The following SRPK2 variants were observed in gnomAD, a reference collection of about 807,000 sequenced individuals.
The protein encoded by SRPK2 is SRSF protein kinase 2, also known as SFRS protein kinase 2.
Under a neutral mutation model 90.8 loss-of-function variants are expected in SRPK2, and 21 were observed. The ratio of observed to expected loss-of-function variants is 0.23; its 90% CI spans 0.16 to 0.33. The LOEUF is 0.33. Among genes scored for constraint, SRPK2 ranks in the 10% least tolerant of loss-of-function variants. The pLI is 1.00. For synonymous variants in SRPK2, 288 were observed against 311.1 expected, an observed-to-expected ratio of 0.93 and a Z score of 0.78; for missense variants, 620 against 869.0, an observed-to-expected ratio of 0.71 and a Z score of 3.60.
chr7:105,393,421 C>T (rs557662681), upstream of SRPK2, among the ~76,000 whole-genome samples: 3 of 151,596 alleles, frequency 2.0e-5, no homozygotes, highest in Non-Finnish European at 2.9e-5. Context: ...CGTGCACCAC[C>T]GCATAAGGAG....
In SRPK2 at chr7:105,377,138, C is replaced by T. The variant is rs1412890436; in HGVS notation, c.71+11510G>A. Among the ~76,000 whole-genome samples the T allele has an allele frequency of 2.0e-5, 3 of 152,234 alleles. 1 individual carries two copies. The highest frequency in any genetic ancestry group is 1.9e-4 in the East Asian group (1 of 5,172). On this transcript the variant is annotated intron_variant, in intron 2 of 15. Coordinates refer to ENST00000393651, the MANE Select transcript of SRPK2 (RefSeq NM_182692.3). Reference sequence around the variant, plus strand: ...ATCTGCAGACTAACACTGCTGACCACGCCCTTCTTGAAATGCTGTATTCCC... The same window carrying T: ...ATCTGCAGACTAACACTGCTGACCATGCCCTTCTTGAAATGCTGTATTCCC...
chr7:105,151,888 G>A (rs1228089845), intron 7 of SRPK2, among the ~76,000 whole-genome samples: 1 of 152,100 alleles, frequency 6.6e-6, no homozygotes. Flanking sequence ...GCCAGGCATG[G>A]TGGTGCATGC....
intron 2 of SRPK2, among the ~76,000 whole-genome samples, chr7:105,310,025 A>C (rs1811535508): frequency 6.6e-6 from 1 of 152,234 alleles, no homozygotes; most frequent in Admixed American, 6.5e-5. Context: ...GGAGTCAGGG[A>C]AATCCTCCCT....
intron 14 of SRPK2, among the ~76,000 whole-genome samples, 157 bp downstream of exon 14, chr7:105,126,835 AG>A (rs975547301): frequency 6.6e-6 from 1 of 152,190 alleles, no homozygotes; most frequent in Admixed American, 6.5e-5. Flanking sequence ...CCATTCACTG[AG>A]ACTGAGGGGG....
intron 2 of SRPK2, among the ~76,000 whole-genome samples, chr7:105,371,262 G>C (rs1176088041): frequency 6.6e-6 from 1 of 151,412 alleles, no homozygotes; most frequent in Non-Finnish European, 1.5e-5. Context: ...AAATCAACCA[G>C]GCATGGTGGC....
intron 7 of SRPK2, among the ~76,000 whole-genome samples, chr7:105,148,746 G>A (rs912066716): frequency 6.6e-6 from 1 of 152,230 alleles, no homozygotes; most frequent in African/African-American, 2.4e-5. Context: ...GCTTTGCTGA[G>A]ATGTTGTTAA....
chr7:105,180,395 C>A (rs905280770), intron 3 of SRPK2, among the ~76,000 whole-genome samples: 1 of 152,126 alleles, frequency 6.6e-6, no homozygotes, highest in African/African-American at 2.4e-5. Flanking sequence ...GAAACCGCAC[C>A]CCTTCCTTAC....
At chr7:105,121,233 T>C (rs1800317191) in intron 15 of SRPK2, among the ~76,000 whole-genome samples, 1 of 151,892 alleles carries the variant, frequency 6.6e-6, no homozygotes, top group Non-Finnish European at 1.5e-5. Context: ...TAATCCCAGC[T>C]ACTTGGGAGG....
intron 2 of SRPK2, among the ~76,000 whole-genome samples, chr7:105,339,193 G>A (rs1815459916): frequency 1.3e-5 from 2 of 152,170 alleles, no homozygotes; most frequent in Admixed American, 1.3e-4. Context: ...CATATTTTAT[G>A]TATAATTCTG....
intron 2 of SRPK2, among the ~76,000 whole-genome samples, chr7:105,307,161 G>A (rs1426942392): frequency 6.6e-6 from 1 of 152,164 alleles, no homozygotes; most frequent in African/African-American, 2.4e-5. Flanking sequence ...ATACTGGGTG[G>A]GAGGGGAGGT....
chr7:105,160,479 G>T, intron 7 of SRPK2, 28 bp downstream of exon 7: 1 of 1,382,800 alleles, frequency 7.2e-7, no homozygotes, highest in Non-Finnish European at 1.0e-6. Flanking sequence ...AGGTACTAGG[G>T]CCTAGGGGCT....
In SRPK2 at chr7:105,126,257, T is replaced by G. The variant is rs755562838; in HGVS notation, c.1906A>C (p.Asn636His). The change falls in exon 15 of 16, where the codon AAT (asparagine) becomes CAT (histidine). Residue 636 changes from asparagine to histidine, a missense_variant. Asn to His is a moderately conservative substitution (Grantham distance 68). Transcript: ENST00000393651. The stretch of plus-strand genomic sequence containing the variant: ...AAAGAAGAGGTACTACCTCTGCGAT[T>G]GAAGAATTCCCGAGAATATTTTCCA... ...LSGKYSREFF[N>H]RRGELRHITK... is the part of the protein sequence containing the mutation. The G allele has an allele frequency of 9.3e-6, 15 of 1,613,284 alleles. 1 individual carries two copies. The highest frequency in any genetic ancestry group is 1.2e-5 in the Non-Finnish European group (14 of 1,179,238).
intron 2 of SRPK2, among the ~76,000 whole-genome samples, chr7:105,342,312 A>C (rs1815912844): frequency 6.6e-6 from 1 of 151,284 alleles, no homozygotes; most frequent in Admixed American, 6.6e-5. Context: ...CGACAAGAGC[A>C]AAACTCCGTC....
intron 3 of SRPK2, among the ~76,000 whole-genome samples, chr7:105,200,944 G>GT (rs1795468732): frequency 6.6e-6 from 1 of 152,206 alleles, no homozygotes; most frequent in South Asian, 2.1e-4. Context: ...TAGTAGTGAA[G>GT]TATCAGTGTT....
At chr7:105,311,070 T>C (rs903730796) in intron 2 of SRPK2, among the ~76,000 whole-genome samples, 4 of 152,052 alleles carry the variant, frequency 2.6e-5, no homozygotes, top group South Asian at 4.1e-4. Context: ...AAGAGCTGTT[T>C]TGGGCATCAA....
upstream of SRPK2, among the ~76,000 whole-genome samples, chr7:105,392,340 C>A (rs1051236888): frequency 3.3e-5 from 5 of 152,144 alleles, no homozygotes; most frequent in African/African-American, 1.2e-4. Flanking sequence ...AAAGTGGTTT[C>A]TTTCATTTAA....
chr7:105,203,799 G>A lies in SRPK2; in HGVS notation c.72-14C>T. 6.4e-7 allele frequency: 1 copy of A among 1,560,056 alleles called. No individual in the cohort carries two copies. ...TGAGGCTCCGGCCTGAAAGAGCAGA[G>A]AGAAAATTGCTATTTACTTAGAAGT... On this transcript the variant is annotated splice_polypyrimidine_tract_variant and intron_variant, in intron 2 of 15. Transcript: ENST00000393651.
chr7:105,224,338 A>T (rs994684684), intron 2 of SRPK2, among the ~76,000 whole-genome samples: 4 of 152,180 alleles, frequency 2.6e-5, no homozygotes, highest in Non-Finnish European at 5.9e-5. Context: ...AGGTGGGTGC[A>T]GTGGCTCACA....
In SRPK2 at chr7:105,247,578, C is replaced by A. The variant is rs367822580; in HGVS notation, c.72-43793G>T. On this transcript the variant is annotated intron_variant, in intron 2 of 15. Transcript: ENST00000393651. ...CACACACACAGAAGTTATACCTTTT[C>A]TTGGTTTTTAATTGTTCAAAGTTTT... is the stretch of plus-strand genomic sequence containing the variant. Among the ~76,000 whole-genome samples the A allele has an allele frequency of 1.2e-4, 13 of 112,530 alleles. No homozygotes were observed. The South Asian group carries it at 3.8e-3, about 33-fold the overall frequency. 73.8% of individuals were successfully genotyped at this position (112,530 alleles called of 152,430 possible).
Sources: allele counts gnomAD v4.1 joint callset (sites outside exome capture counted in the v4.1 genomes callset), GRCh38; gene constraint gnomAD v4.1.1; transcripts MANE v1.5; gene names NCBI Gene and HGNC (gene_info 2026-07-23, HGNC 2026-07-21).